The following GFI1B variants were observed in gnomAD, a reference collection of about 807,000 sequenced individuals.
The protein encoded by GFI1B is zinc finger protein Gfi-1b.
Under a neutral mutation model 35.3 loss-of-function variants are expected in GFI1B, and 20 were observed. That is an observed-to-expected ratio of 0.57 (90% CI 0.40 to 0.82). The LOEUF (loss-of-function observed/expected upper bound fraction) is 0.82, where lower values mean the gene tolerates loss of function less well. Ranked by LOEUF, GFI1B falls within the 40% of genes least tolerant of loss-of-function variation. The pLI is 0.00. For missense variants in GFI1B, 430 were observed against 446.3 expected, an observed-to-expected ratio of 0.96 and a Z score of 0.33; for synonymous variants, 178 against 177.6, an observed-to-expected ratio of 1.00 and a Z score of -0.02.
chr9:132,988,056 GC>G (rs1849140845), intron 3 of GFI1B, 140 bp from the exon 4 acceptor site: 1 of 739,942 alleles, frequency 1.4e-6, no homozygotes. Flanking sequence ...ACGTTGGTCC[GC>G]CTGGTCTTGA....
chr9:132,960,788 C>T (rs1394715768), intron 1 of GFI1B, among the ~76,000 whole-genome samples: 1 of 151,976 alleles, frequency 6.6e-6, no homozygotes, highest in African/African-American at 2.4e-5. Flanking sequence ...AAGCATGAGC[C>T]ACCGAGCCTG....
At chr9:132,983,771 A>G (rs1260297379) in intron 1 of GFI1B, among the ~76,000 whole-genome samples, 1 of 152,218 alleles carries the variant, frequency 6.6e-6, no homozygotes, top group Admixed American at 6.5e-5. Flanking sequence ...CCCTCTGCAG[A>G]GAGAAGCCCA....
intron 1 of GFI1B, among the ~76,000 whole-genome samples, chr9:132,966,043 G>A (rs940446058): frequency 2.0e-5 from 3 of 152,206 alleles, no homozygotes; most frequent in African/African-American, 7.2e-5. Flanking sequence ...CGATGCTGAA[G>A]TTTAAGGGGG....
chr9:132,983,385 C>T (rs980648322), intron 1 of GFI1B, among the ~76,000 whole-genome samples: 1 of 151,816 alleles, frequency 6.6e-6, no homozygotes, highest in Non-Finnish European at 1.5e-5. Flanking sequence ...TTTGTAGAGA[C>T]GAGGTTTCAC....
At chr9:132,983,260 G>A (rs1477587704) in intron 1 of GFI1B, among the ~76,000 whole-genome samples, 1 of 135,786 alleles carries the variant, frequency 7.4e-6, no homozygotes, top group East Asian at 2.3e-4. Flanking sequence ...GTGGTGGTGT[G>A]ATCTCGGCTC....
At chr9:132,987,506 C>T (rs1180470657) in intron 3 of GFI1B, 87 bp downstream of exon 3, 4 of 1,506,356 alleles carry the variant, frequency 2.7e-6, no homozygotes, top group African/African-American at 1.4e-5. Flanking sequence ...CCCCTTGGGG[C>T]CCTGGAGTCA....
In GFI1B at chr9:132,988,319, C is replaced by T. The variant is rs750711297; in HGVS notation, c.361C>T (p.Gln121Ter). 6.2e-7 allele frequency: 1 copy of T among 1,614,192 alleles called. No homozygotes were observed. The highest frequency in any genetic ancestry group is 1.1e-5 in the South Asian group (1 of 91,092). Residue 121 changes from glutamine (Q) to a stop codon, truncating the protein, a stop_gained, in exon 4 of 7, where the codon CAG becomes TAG. Coordinates refer to ENST00000372122, the MANE Select transcript of GFI1B (RefSeq NM_001377304.1). LOFTEE classifies it high-confidence loss of function. ...CACAACCTATGGCCACAGCTACCGG[C>T]AGGCCCCCTCCACCATGCAGTCAGC... is the stretch of plus-strand genomic sequence containing the variant. The part of the protein sequence containing the change: ...LATTYGHSYR[Q>*]APSTMQSAFL...
intron 1 of GFI1B, among the ~76,000 whole-genome samples, chr9:132,962,916 C>CG (rs753572926): frequency 8.0e-6 from 1 of 124,294 alleles, no homozygotes. Flanking sequence ...ACTAAAAATA[C>CG]AAAAAAAAAA....
chr9:132,947,418 AAAAAAAAAAAAAG>A (rs1289467773), intron 1 of GFI1B, among the ~76,000 whole-genome samples: 1 of 136,292 alleles, frequency 7.3e-6, no homozygotes, highest in Non-Finnish European at 1.6e-5. Context: ...CGAGCAAAAA[AAAAAAAAAAAAAG>A]AAAGAAAAAG....
At chr9:132,979,057 G>A (rs1848719333) in intron 1 of GFI1B, among the ~76,000 whole-genome samples, 1 of 152,122 alleles carries the variant, frequency 6.6e-6, no homozygotes, top group South Asian at 2.1e-4. Flanking sequence ...TGCCGGCTGC[G>A]CAGAAACACT....
chr9:132,951,527 G>A (rs1848202498), intron 1 of GFI1B: 1 of 152,168 alleles, frequency 6.6e-6, no homozygotes, highest in South Asian at 2.1e-4. Flanking sequence ...GTAGCTCATT[G>A]GAAAAGAGTC....
At chr9:132,982,942 G>A (rs1345208641) in intron 1 of GFI1B, among the ~76,000 whole-genome samples, 1 of 152,130 alleles carries the variant, frequency 6.6e-6, no homozygotes, top group Non-Finnish European at 1.5e-5. Context: ...GCCCCATCTT[G>A]CCCTGTGCCT....
intron 1 of GFI1B, chr9:132,946,661 AT>A (rs1375247197): frequency 6.6e-6 from 1 of 152,218 alleles, no homozygotes; most frequent in Non-Finnish European, 1.5e-5. Flanking sequence ...ATCTTCAGAG[AT>A]TTCTGAGACC....
At chr9:132,962,174 G>A (rs1416792506) in intron 1 of GFI1B, among the ~76,000 whole-genome samples, 1 of 127,780 alleles carries the variant, frequency 7.8e-6, no homozygotes, top group Admixed American at 9.2e-5. Flanking sequence ...ATCTCACTCT[G>A]TCACACAGGC....
intron 1 of GFI1B, among the ~76,000 whole-genome samples, chr9:132,970,593 A>G (rs986113560): frequency 2.0e-5 from 3 of 152,304 alleles, no homozygotes; most frequent in Admixed American, 1.3e-4. Context: ...TGGATCAGGC[A>G]GATTGCCCCT....
At chr9:132,982,114 C>A (rs1410543636) in intron 1 of GFI1B, among the ~76,000 whole-genome samples, 5 of 152,336 alleles carry the variant, frequency 3.3e-5, no homozygotes, top group African/African-American at 1.2e-4. Flanking sequence ...CCCTGAGAAC[C>A]AGCTGAGTCT....
intron 1 of GFI1B, chr9:132,945,723 T>A (rs1419522957): frequency 6.5e-6 from 1 of 153,748 alleles, no homozygotes; most frequent in Non-Finnish European, 1.5e-5. Flanking sequence ...GGTGCAAAAG[T>A]CATCACGGTT....
rs533662277 is a variant in GFI1B, at chr9:132,988,316, C to G, written c.358C>G (p.Arg120Gly). ...TLATTYGHSY[R>G]QAPSTMQSAF... is the part of the protein sequence containing the mutation. ...GGCCACAACCTATGGCCACAGCTACCGGCAGGCCCCCTCCACCATGCAGTC... is the reference window on the plus strand; with the variant it reads ...GGCCACAACCTATGGCCACAGCTACGGGCAGGCCCCCTCCACCATGCAGTC... Residue 120 changes from arginine to glycine, a missense_variant, in exon 4 of 7, where the codon CGG becomes GGG. Physicochemically the swap from Arg to Gly is moderately radical, Grantham distance 125. Coordinates refer to ENST00000372122, the MANE Select transcript of GFI1B (RefSeq NM_001377304.1). The G allele has an allele frequency of 6.2e-6, 10 of 1,614,172 alleles. No individual in the cohort carries two copies. The highest frequency in any genetic ancestry group is 1.3e-5 in the African/African-American group (1 of 75,052).
At chr9:132,970,780 C>G (rs2132609229) in intron 1 of GFI1B, among the ~76,000 whole-genome samples, 1 of 152,290 alleles carries the variant, frequency 6.6e-6, no homozygotes, top group South Asian at 2.1e-4. Flanking sequence ...TTCGCTCCTC[C>G]TTCATCTCTG....
Sources: gnomAD v4.1 joint callset for allele counts (sites outside exome capture counted in the v4.1 genomes callset) on GRCh38, gnomAD v4.1.1 for gene constraint, MANE v1.5 for transcripts, NCBI Gene and HGNC (gene_info 2026-07-23, HGNC 2026-07-21) for gene names.